Variants in FRMD4B observed in about 807,000 individuals in gnomAD.
The protein encoded by FRMD4B is FERM domain containing 4B, also known as FERM domain-containing protein 4B.
FRMD4B carries 74 observed loss-of-function variants against 141.5 expected under a neutral mutation model. The ratio of observed to expected loss-of-function variants is 0.52; its 90% CI spans 0.43 to 0.63. The LOEUF (loss-of-function observed/expected upper bound fraction) is 0.63. Ranked by LOEUF, FRMD4B falls within the 30% of genes least tolerant of loss-of-function variation. FRMD4B has a pLI of 0.00. For synonymous variants in FRMD4B, 506 were observed against 467.9 expected (o/e 1.08, Z -1.05); for missense variants, 1,366 against 1,253.4 (o/e 1.09, Z -1.36).
intron 1 of FRMD4B, among the ~76,000 whole-genome samples, chr3:69,455,734 T>C (rs1040790307): frequency 6.6e-6 from 1 of 152,182 alleles, no homozygotes; most frequent in Admixed American, 6.5e-5. Context: ...TTTCCAAAGT[T>C]TTAACTACGA....
At chr3:69,256,837 T>G (rs1276039650) in intron 5 of FRMD4B, among the ~76,000 whole-genome samples, 1 of 152,228 alleles carries the variant, frequency 6.6e-6, no homozygotes, top group East Asian at 1.9e-4. Flanking sequence ...GTACATCATT[T>G]TCTCCCTTTT....
intron 7 of FRMD4B, among the ~76,000 whole-genome samples, chr3:69,246,503 T>C (rs1161727378): frequency 6.6e-6 from 1 of 152,028 alleles, no homozygotes; most frequent in East Asian, 1.9e-4. Context: ...AAGAGGAGTT[T>C]TAGAACAAAA....
intron 16 of FRMD4B, among the ~76,000 whole-genome samples, 152 bp downstream of exon 16, chr3:69,194,870 G>A (rs1313683653): frequency 6.6e-6 from 1 of 152,178 alleles, no homozygotes; most frequent in African/African-American, 2.4e-5. Flanking sequence ...GAGTGGGCAT[G>A]AAAGAAAGAG....
At chr3:69,218,423 G>A (rs2107735622) in intron 9 of FRMD4B, 44 bp from the exon 10 acceptor site, 1 of 900,866 alleles carries the variant, frequency 1.1e-6, no homozygotes, top group South Asian at 1.5e-5. Flanking sequence ...AAAATAGTTA[G>A]AGGACCCTTT....
At chr3:69,256,758 T>C (rs2093495514) in intron 5 of FRMD4B, among the ~76,000 whole-genome samples, 1 of 152,190 alleles carries the variant, frequency 6.6e-6, no homozygotes, top group Admixed American at 6.5e-5. Context: ...TTCCAGGAGT[T>C]ACTCTGCCCC....
chr3:69,309,607 A>ATTTTT (rs34067186), intron 3 of FRMD4B, among the ~76,000 whole-genome samples: 10 of 109,058 alleles, frequency 9.2e-5, no homozygotes, highest in African/African-American at 2.2e-4. Context: ...TACCTGGCTG[A>ATTTTT]TTTTTTTTTT....
intron 1 of FRMD4B, among the ~76,000 whole-genome samples, chr3:69,344,329 G>C (rs1324141708): frequency 1.3e-5 from 2 of 152,182 alleles, no homozygotes; most frequent in Non-Finnish European, 2.9e-5. Flanking sequence ...CAGTGGAAAG[G>C]AAGAAAGAAG....
chr3:69,239,298 C>T (rs1287804840), intron 7 of FRMD4B, among the ~76,000 whole-genome samples: 1 of 152,234 alleles, frequency 6.6e-6, no homozygotes, highest in Non-Finnish European at 1.5e-5. Flanking sequence ...AGTGCAGTGT[C>T]CTCTCAGCTA....
At chr3:69,529,410 A>G (rs534589407) in intron 1 of FRMD4B, among the ~76,000 whole-genome samples, 1 of 152,306 alleles carries the variant, frequency 6.6e-6, no homozygotes, top group South Asian at 2.1e-4. Flanking sequence ...TATTTTATAG[A>G]TAAGGAGACC....
At chr3:69,457,419 G>A (rs576200964) in intron 1 of FRMD4B, among the ~76,000 whole-genome samples, 5 of 152,276 alleles carry the variant, frequency 3.3e-5, no homozygotes, top group South Asian at 4.1e-4. Flanking sequence ...GAGAAAATAA[G>A]TGATATTGAA....
At chr3:69,444,103 T>C (rs1398335088) in intron 1 of FRMD4B, among the ~76,000 whole-genome samples, 2 of 152,044 alleles carry the variant, frequency 1.3e-5, no homozygotes, top group Non-Finnish European at 2.9e-5. Context: ...TCTGATTTCA[T>C]CTCCCATCCA....
chr3:69,215,402 C>T (rs1334794860), intron 11 of FRMD4B, among the ~76,000 whole-genome samples: 1 of 148,030 alleles, frequency 6.8e-6, no homozygotes, highest in African/African-American at 2.5e-5. Context: ...AAGCAATGCT[C>T]GTGCCTCAGC....
intron 5 of FRMD4B, among the ~76,000 whole-genome samples, chr3:69,272,554 G>A (rs1295984273): frequency 1.3e-5 from 2 of 152,110 alleles, no homozygotes; most frequent in Admixed American, 6.5e-5. Context: ...ATGAGTTGAG[G>A]ATTAAAACAC....
chr3:69,469,781 G>A (rs1156925275), intron 1 of FRMD4B, among the ~76,000 whole-genome samples: 4 of 152,184 alleles, frequency 2.6e-5, no homozygotes, highest in Non-Finnish European at 5.9e-5. Context: ...GTTGATAAAG[G>A]TTTTATATAG....
At chr3:69,201,703 A>C (rs1013039540) in intron 11 of FRMD4B, among the ~76,000 whole-genome samples, 7 of 152,068 alleles carry the variant, frequency 4.6e-5, no homozygotes, top group African/African-American at 1.4e-4. Flanking sequence ...TGGACTCTTC[A>C]TATCCGAGGG....
chr3:69,328,353 A>C (rs892396147), intron 1 of FRMD4B, among the ~76,000 whole-genome samples: 7 of 152,226 alleles, frequency 4.6e-5, no homozygotes, highest in Non-Finnish European at 8.8e-5. Context: ...CAGATCAGTA[A>C]GTCAGTCAAG....
At chr3:69,431,265 T>C (rs1462397652) in intron 2 of FRMD4B, among the ~76,000 whole-genome samples, 1 of 152,222 alleles carries the variant, frequency 6.6e-6, no homozygotes, top group Non-Finnish European at 1.5e-5. Context: ...CTCCAATGCT[T>C]CTTAAGGTGC....
Position 69,193,708 on chromosome 3 carries a change from T to A in FRMD4B, c.1654A>T (p.Ile552Leu). 1 of 1,613,872 alleles carries A rather than the reference T, an allele frequency of 6.2e-7. No individual in the cohort carries two copies. The highest frequency in any genetic ancestry group is 1.1e-5 in the South Asian group (1 of 91,076). ...CCACACCTAATTCGGTATTCGTTTATTGCATTTTCAATCTCCTGAAGCTTT... is the reference window on the plus strand; with the variant it reads ...CCACACCTAATTCGGTATTCGTTTAATGCATTTTCAATCTCCTGAAGCTTT... Reference protein sequence around the residue: ...MKKLQEIENAINEYRIRCGKK... With the variant: ...MKKLQEIENALNEYRIRCGKK... Residue 552 changes from isoleucine to leucine, a missense_variant, in exon 17 of 23, where the codon ATA becomes TTA. Physicochemically the swap from Ile to Leu is conservative, Grantham distance 5. Transcript: ENST00000398540.
intron 1 of FRMD4B, among the ~76,000 whole-genome samples, chr3:69,328,480 T>C (rs1227674908): frequency 3.3e-5 from 5 of 152,126 alleles, no homozygotes; most frequent in Non-Finnish European, 7.4e-5. Context: ...GAATAGGACC[T>C]GGGTAAAATA....
Sources: allele counts gnomAD v4.1 joint callset (sites outside exome capture counted in the v4.1 genomes callset), GRCh38; gene constraint gnomAD v4.1.1; transcripts MANE v1.5; gene names NCBI Gene and HGNC (gene_info 2026-07-23, HGNC 2026-07-21).